The following ZNF185 variants were observed in gnomAD, a reference collection of about 807,000 sequenced individuals.
ZNF185 encodes zinc finger protein 185.
ZNF185 carries 56 observed loss-of-function variants against 58.6 expected under a neutral mutation model. The observed-to-expected ratio is 0.95, with a 90% CI of 0.77 to 1.19. The LOEUF (loss-of-function observed/expected upper bound fraction) is 1.19. Among genes scored for constraint, ZNF185 ranks in the 50% most tolerant of loss-of-function variants. The probability of loss-of-function intolerance (pLI) is 0.00; values close to 1 mark genes in which losing one functional copy is unlikely to be tolerated. For missense variants in ZNF185, 627 were observed against 573.5 expected (o/e 1.09, Z -0.95); for synonymous variants, 230 against 215.9 (o/e 1.07, Z -0.57).
chrX:152,943,812 A>G (rs2047507242), intron 15 of ZNF185, among the ~76,000 whole-genome samples: 1 of 112,994 alleles, frequency 8.9e-6, no homozygotes, highest in African/African-American at 3.2e-5. Context: ...GACTCTGATT[A>G]AATCCATAGT....
the ZNF185 span, among the ~76,000 whole-genome samples, chrX:152,909,347 A>G: frequency 8.9e-6 from 1 of 112,504 alleles, no homozygotes; most frequent in Non-Finnish European, 1.9e-5. Context: ...CGGTCCCTGT[A>G]CCAGGCTCTT....
intron 20 of ZNF185, among the ~76,000 whole-genome samples, chrX:152,967,911 G>A (rs1281486002): frequency 1.8e-5 from 2 of 112,000 alleles, no homozygotes; most frequent in African/African-American, 3.2e-5. Context: ...AAGCAAATAC[G>A]GCAGACCCAG....
At chrX:152,921,533 G>A (rs1939721254) in intron 9 of ZNF185, among the ~76,000 whole-genome samples, 1 of 100,759 alleles carries the variant, frequency 9.9e-6, no homozygotes, top group African/African-American at 3.6e-5. Context: ...AACGGGGGGC[G>A]GTGGGGGGGT....
chrX:152,966,971 C>G (rs782690195), intron 19 of ZNF185, among the ~76,000 whole-genome samples, 196 bp from the exon 22 acceptor site: 6 of 111,232 alleles, frequency 5.4e-5, no homozygotes, highest in Non-Finnish European at 1.1e-4. Flanking sequence ...CCTAGCCACC[C>G]AGCCCCGATC....
At chrX:152,927,523 C>T (rs1184349674) in intron 11 of ZNF185, among the ~76,000 whole-genome samples, 4 of 111,656 alleles carry the variant, frequency 3.6e-5, no homozygotes, top group African/African-American at 6.5e-5. Context: ...TATAAACCCC[C>T]CACCTCCACT....
chrX:152,931,849 C>T, intron 13 of ZNF185, 73 bp downstream of exon 14: 1 of 931,619 alleles, frequency 1.1e-6, no homozygotes. Flanking sequence ...GAAGGACTTC[C>T]ATGGCCTCCG....
rs781816213 is a variant in ZNF185 at position 152,963,813 on chromosome X, C to T, written c.1608-26C>T. ...AGGTGTCAGCTCCCAGGTTGACGTG[C>T]CCACCCCTCCCTTTATTTCTTTCAG... On this transcript the variant is annotated intron_variant, in intron 17 of 22. Coordinates refer to ENST00000449285, the Ensembl canonical transcript of ZNF185. 5.9e-6 allele frequency: 7 copies of T among 1,188,394 alleles called. No homozygotes were observed. In the East Asian group the frequency reaches 1.5e-4, roughly 25 times the overall value.
At chrX:152,941,227 GA>G (rs1285680881) in intron 15 of ZNF185, among the ~76,000 whole-genome samples, 2 of 111,767 alleles carry the variant, frequency 1.8e-5, no homozygotes, top group South Asian at 3.7e-4. Context: ...TAGTGGTTCT[GA>G]CCCAGGGGCA....
chrX:152,922,641 A>G (rs782169226), intron 10 of ZNF185, 79 bp from the exon 12 acceptor site: 9 of 962,891 alleles, frequency 9.3e-6, no homozygotes, highest in Admixed American at 2.8e-5. Flanking sequence ...TTGCACTCCA[A>G]TAAGTTAGCC....
At chrX:152,911,806 C>G, upstream of ZNF185, among the ~76,000 whole-genome samples, 1 of 75,358 alleles carries the variant, frequency 1.3e-5, no homozygotes, top group Non-Finnish European at 2.5e-5. Context: ...TCCATCCCAT[C>G]CCATTCCATC....
chrX:152,930,942 C>T (rs1941840065), intron 12 of ZNF185, among the ~76,000 whole-genome samples: 1 of 111,487 alleles, frequency 9.0e-6, no homozygotes, highest in Admixed American at 9.5e-5. Context: ...GGATATAGTC[C>T]AGAACTCAAA....
At chrX:152,953,475 C>G (rs190424258) in intron 16 of ZNF185, among the ~76,000 whole-genome samples, 6 of 111,786 alleles carry the variant, frequency 5.4e-5, no homozygotes, top group South Asian at 3.8e-4. Flanking sequence ...GGAGGAAGAT[C>G]ACTTGAGCCC....
chrX:152,966,765 C>T (rs910134606), intron 19 of ZNF185, among the ~76,000 whole-genome samples: 4 of 111,917 alleles, frequency 3.6e-5, no homozygotes, highest in Admixed American at 9.4e-5. Flanking sequence ...AACCCGTCTG[C>T]ACCCCCTAAT....
intron 9 of ZNF185, 91 bp downstream of exon 10, chrX:152,920,839 G>A: frequency 9.4e-7 from 1 of 1,062,282 alleles, no homozygotes; most frequent in Admixed American, 2.2e-5. Flanking sequence ...GCTGTGGAGA[G>A]GGGATGTGGA....
chrX:152,929,832 C>T (rs782170657), intron 12 of ZNF185, among the ~76,000 whole-genome samples: 1 of 112,478 alleles, frequency 8.9e-6, no homozygotes, highest in Non-Finnish European at 1.9e-5. Context: ...GCAGCCTGAA[C>T]TCAGTACCTG....
At chrX:152,942,514 T>C (rs1393719590) in intron 15 of ZNF185, among the ~76,000 whole-genome samples, 1 of 112,325 alleles carries the variant, frequency 8.9e-6, no homozygotes, top group African/African-American at 3.2e-5. Context: ...ACCTGCGAGC[T>C]AAGTGAAGCA....
At chrX:152,927,543 T>C (rs781837056) in intron 11 of ZNF185, among the ~76,000 whole-genome samples, 34 of 111,703 alleles carry the variant, frequency 3.0e-4, no homozygotes, top group Non-Finnish European at 5.3e-4. Context: ...TTCAAGCCCA[T>C]CCTGCATCTT....
At chrX:152,938,153 G>T (rs782398366) in exon 15 of ZNF185, 1 of 1,182,612 alleles carries the variant, frequency 8.5e-7, no homozygotes, top group African/African-American at 1.8e-5. Context: ...TGCAAAGGCA[G>T]ACCCAAAGGG....
exon 23 of ZNF185, chrX:152,972,375 C>G (rs1399940043): frequency 9.0e-6 from 1 of 111,070 alleles, no homozygotes; most frequent in African/African-American, 3.3e-5. Flanking sequence ...TTCAGGCCTC[C>G]CAAAGGCATA....
Sources: gnomAD v4.1 joint callset for allele counts (sites outside exome capture counted in the v4.1 genomes callset) on GRCh38, gnomAD v4.1.1 for gene constraint, MANE v1.5 for transcripts, NCBI Gene and HGNC (gene_info 2026-07-23, HGNC 2026-07-21) for gene names.